The following PHLDB2 variants were observed in gnomAD, a reference collection of about 807,000 sequenced individuals.
PHLDB2 encodes pleckstrin homology like domain family B member 2.
PHLDB2 carries 71 observed loss-of-function variants against 123.6 expected under a neutral mutation model. The observed-to-expected ratio is 0.57, with a 90% CI of 0.47 to 0.70. The LOEUF (loss-of-function observed/expected upper bound fraction) is 0.70, where lower values mean the gene tolerates loss of function less well. Among genes scored for constraint, PHLDB2 ranks in the 30% least tolerant of loss-of-function variants. The probability of loss-of-function intolerance (pLI) is 0.00; values close to 1 mark genes in which losing one functional copy is unlikely to be tolerated. For synonymous variants in PHLDB2, 547 were observed against 541.6 expected, an observed-to-expected ratio of 1.01 and a Z score of -0.14; for missense variants, 1,446 against 1,519.5, an observed-to-expected ratio of 0.95 and a Z score of 0.80.
intron 1 of PHLDB2, among the ~76,000 whole-genome samples, chr3:111,812,515 G>A (rs2061886653): frequency 6.6e-6 from 1 of 152,206 alleles, no homozygotes; most frequent in Non-Finnish European, 1.5e-5. Context: ...GAAGGAATCA[G>A]TGAATGAGGA....
chr3:111,973,583 GGCCTCATGCACTA>G, intron 16 of PHLDB2, 136 bp from the exon 17 acceptor site: 1 of 442,518 alleles, frequency 2.3e-6, no homozygotes. Context: ...AGATAGAAGG[GGCCTCATGCACTA>G]GCCCAAGTTC....
chr3:111,903,907 G>A (rs1476443446), intron 2 of PHLDB2, among the ~76,000 whole-genome samples: 2 of 152,102 alleles, frequency 1.3e-5, no homozygotes, highest in East Asian at 3.9e-4. Context: ...TAATAACTGT[G>A]TTATAGGTCT....
intron 1 of PHLDB2, among the ~76,000 whole-genome samples, chr3:111,773,580 C>T (rs939673976): frequency 5.3e-4 from 81 of 152,322 alleles, no homozygotes; most frequent in African/African-American, 1.8e-3. Flanking sequence ...TTACCCAGAT[C>T]TATTTACCTG....
rs534258249 is a variant in PHLDB2 at position 111,946,597 on chromosome 3, G to A, written c.2487+1240G>A. On this transcript the variant is annotated intron_variant, in intron 9 of 17. Transcript: ENST00000431670. ...ATAGTTTCTTTTCATTATTCGGAAC[G>A]TGGAACTGTCAGGTTCAATGAACAA... 1.1e-3 allele frequency among the ~76,000 whole-genome samples: 166 copies of A among 152,276 alleles called. 1 individual carries two copies. Among genetic ancestry groups the A allele is most frequent in the African/African-American group, 3.8e-3 (156 of 41,554 alleles).
At chr3:111,825,203 G>A (rs2062597581) in intron 1 of PHLDB2, among the ~76,000 whole-genome samples, 1 of 152,166 alleles carries the variant, frequency 6.6e-6, no homozygotes, top group African/African-American at 2.4e-5. Flanking sequence ...GGACAATTGA[G>A]CAAACATACA....
intron 1 of PHLDB2, among the ~76,000 whole-genome samples, chr3:111,868,449 T>C (rs2065188220): frequency 6.6e-6 from 1 of 152,200 alleles, no homozygotes; most frequent in Non-Finnish European, 1.5e-5. Flanking sequence ...TTGTTTTTTT[T>C]TCCCCCTTGC....
chr3:111,885,092 C>T lies in PHLDB2; in HGVS notation c.1015C>T (p.Arg339Trp). The change falls in exon 2 of 18, where the codon CGG (arginine) becomes TGG (tryptophan). Residue 339 changes from arginine (R) to tryptophan (W), a missense_variant. Transcript: ENST00000431670. ...LSVPASPRVA[R>W]KMLLASTSSC... ...TGTCCCTGCCAGTCCACGAGTGGCT[C>T]GGAAGATGCTTCTGGCCTCCACCTC... The T allele has an allele frequency of 6.2e-6, 10 of 1,614,118 alleles. No individual in the cohort carries two copies. Among genetic ancestry groups the T allele is most frequent in the East Asian group, 2.2e-5 (1 of 44,878 alleles).
chr3:111,954,946 T>A (rs1417267615), intron 12 of PHLDB2, among the ~76,000 whole-genome samples: 1 of 152,104 alleles, frequency 6.6e-6, no homozygotes, highest in Non-Finnish European at 1.5e-5. Context: ...AATCCTCCCC[T>A]CTAAGCAGGC....
intron 1 of PHLDB2, among the ~76,000 whole-genome samples, chr3:111,771,268 T>C (rs2060172015): frequency 1.3e-5 from 2 of 152,352 alleles, no homozygotes; most frequent in South Asian, 4.1e-4. Context: ...ATCTCTTCTA[T>C]GCCTGTCTTA....
rs2060673487 is a variant in PHLDB2, at chr3:111,786,207, C to G, written c.-49+53504C>G. On this transcript the variant is annotated intron_variant, in intron 1 of 17. Coordinates refer to the PHLDB2 transcript ENST00000393923. ...AATCATCCCTAGATTACTTCTAATA[C>G]CTAATACACTGTAAATGCAATGTAA... Among the ~76,000 whole-genome samples the G allele has an allele frequency of 1.3e-5, 2 of 152,110 alleles. 1 individual carries two copies. Among genetic ancestry groups the G allele is most frequent in the South Asian group, 4.1e-4 (2 of 4,830 alleles).
intron 1 of PHLDB2, chr3:111,845,669 A>T: frequency 2.5e-6 from 2 of 794,526 alleles, no homozygotes; most frequent in Admixed American, 5.5e-5. Context: ...TAACAGAGTG[A>T]TCCAGGACGT....
At chr3:111,956,651 A>C (rs1464432184) in intron 12 of PHLDB2, among the ~76,000 whole-genome samples, 5 of 152,158 alleles carry the variant, frequency 3.3e-5, no homozygotes, top group Non-Finnish European at 5.9e-5. Context: ...GTGTTGGTCC[A>C]AGGAGATGTG....
intron 1 of PHLDB2, among the ~76,000 whole-genome samples, chr3:111,795,185 A>T (rs2061101498): frequency 6.6e-6 from 1 of 152,178 alleles, no homozygotes. Flanking sequence ...TCAGAGTTGC[A>T]CTTCTTTATT....
chr3:111,945,612 G>T (rs144547040), intron 9 of PHLDB2, among the ~76,000 whole-genome samples: 1 of 151,918 alleles, frequency 6.6e-6, no homozygotes, highest in Non-Finnish European at 1.5e-5. Flanking sequence ...TACTTTGCTG[G>T]GTGGTGACAT....
At chr3:111,973,910 C>T (rs931191275) in intron 17 of PHLDB2, 93 bp downstream of exon 17, 28 of 739,526 alleles carry the variant, frequency 3.8e-5, no homozygotes, top group Middle Eastern at 2.5e-4. Context: ...AATTGATGTT[C>T]TGATGTAACA....
At position 111,913,371 on chromosome 3, in the gene PHLDB2, C is replaced by T; in HGVS notation, c.1388C>T (p.Pro463Leu). ...ILSLCAEYTK[P>L]DSRLSTGTTV... The stretch of plus-strand genomic sequence containing the variant: ...AGTCTCTGTGCTGAATACACAAAGC[C>T]TGACAGTCGCTTATCTACTGGGACC... Residue 463 changes from proline (P) to leucine (L), a missense_variant, in exon 3 of 18, where the codon CCT (proline) becomes CTT (leucine). Pro to Leu is a moderately conservative substitution (Grantham distance 98). Coordinates refer to ENST00000431670, the MANE Select transcript of PHLDB2 (RefSeq NM_001134438.2). The T allele has an allele frequency of 6.2e-7, 1 of 1,613,540 alleles. No homozygotes were observed. Among genetic ancestry groups the T allele is most frequent in the Non-Finnish European group, 8.5e-7 (1 of 1,179,702 alleles).
chr3:111,871,606 A>T (rs771847995), intron 1 of PHLDB2, among the ~76,000 whole-genome samples: 3 of 152,214 alleles, frequency 2.0e-5, no homozygotes, highest in Non-Finnish European at 4.4e-5. Flanking sequence ...GTGAGGCAAG[A>T]TTGTGCCACT....
intron 14 of PHLDB2, 82 bp downstream of exon 14, chr3:111,966,785 T>C: frequency 9.9e-7 from 1 of 1,005,332 alleles, no homozygotes; most frequent in East Asian, 2.5e-5. Flanking sequence ...ATACTCCTCC[T>C]TAAGGAGCCG....
chr3:111,946,345 T>C (rs377434140), intron 9 of PHLDB2, among the ~76,000 whole-genome samples: 2 of 152,212 alleles, frequency 1.3e-5, no homozygotes, highest in Non-Finnish European at 1.5e-5. Context: ...CTTATACTTA[T>C]TGTTTTTCTA....
Sources: gnomAD v4.1 joint callset for allele counts (sites outside exome capture counted in the v4.1 genomes callset) on GRCh38, gnomAD v4.1.1 for gene constraint, MANE v1.5 for transcripts, NCBI Gene and HGNC (gene_info 2026-07-23, HGNC 2026-07-21) for gene names.